Variants in KMT2A observed in about 807,000 individuals in gnomAD.
The protein encoded by KMT2A is lysine methyltransferase 2A.
Under a neutral mutation model 345.3 loss-of-function variants are expected in KMT2A, and 16 were observed. That is an observed-to-expected ratio of 0.05 (90% CI 0.03 to 0.07). The LOEUF (loss-of-function observed/expected upper bound fraction) is 0.07. Ranked by LOEUF, KMT2A falls within the 10% of genes least tolerant of loss-of-function variation. The pLI, the probability that KMT2A is intolerant of heterozygous loss-of-function variation, is 1.00. For synonymous variants in KMT2A, 1,599 were observed against 1,778.6 expected, an observed-to-expected ratio of 0.90 and a Z score of 2.54; for missense variants, 3,272 against 4,841.6, an observed-to-expected ratio of 0.68 and a Z score of 9.62.
chr11:118,509,116 T>TA lies in KMT2A; in HGVS notation c.10836-19dup. On this transcript the variant is annotated intron_variant, in intron 28 of 35. Coordinates refer to ENST00000534358, the MANE Select transcript of KMT2A (RefSeq NM_001197104.2). ...TGAAGAACTAGCTGATATTATATCTTACATTTGGTTTTTATTTAGGCAAGT... is the reference window on the plus strand; with the variant it reads ...TGAAGAACTAGCTGATATTATATCTTAACATTTGGTTTTTATTTAGGCAAGT... 6.2e-7 allele frequency: 1 copy of TA among 1,609,356 alleles called. No individual in the cohort carries two copies. Among genetic ancestry groups the TA allele is most frequent in the Non-Finnish European group, 8.5e-7 (1 of 1,175,960 alleles).
chr11:118,485,976 G>A (rs1193958541), intron 10 of KMT2A, among the ~76,000 whole-genome samples: 3 of 152,146 alleles, frequency 2.0e-5, no homozygotes, highest in African/African-American at 7.2e-5. Flanking sequence ...CCAGCTACTC[G>A]AGAGGCTGAG....
Position 118,488,691 on chromosome 11 carries a change from G to A in KMT2A, c.4410G>A (p.Gln1470=), listed in dbSNP as rs1950273070. 1.2e-6 allele frequency: 2 copies of A among 1,614,162 alleles called. No individual in the cohort carries two copies. Among genetic ancestry groups the A allele is most frequent in the Non-Finnish European group, 8.5e-7 (1 of 1,180,016 alleles). ...AGAACGAGCGCCCTCTGGAGGACCA[G>A]CTGGAAAATTGGTGTTGTCGTCGTT... ...LEENERPLED[Q]LENWCCRRCK... is the part of the protein sequence containing the mutation. Residue 1470 remains glutamine, a synonymous_variant, in exon 11 of 36, where the codon CAG becomes CAA. Transcript: ENST00000534358.
Position 118,520,651 on chromosome 11 carries a change from A to C in KMT2A, c.11430-151A>C, listed in dbSNP as rs1950942442. 1 of 467,964 alleles carries C rather than the reference A, an allele frequency of 2.1e-6. No homozygotes were observed. 29.0% of individuals were successfully genotyped at this position (467,964 alleles called of 1,614,324 possible). On this transcript the variant is annotated intron_variant, in intron 33 of 35. Coordinates refer to ENST00000534358, the MANE Select transcript of KMT2A (RefSeq NM_001197104.2). The surrounding 1 kb of genome is among the most constrained non-coding windows in gnomAD (Gnocchi z 4.3). ...GGGCGACAGAGCGAAACTCCATCTC[A>C]AAAAAAAAAGGGGGGCGCTCATTTT...
Position 118,521,012 on chromosome 11 carries a change from C to A in KMT2A, c.11513+127C>A. The A allele has an allele frequency of 2.7e-6, 2 of 730,386 alleles. No individual in the cohort carries two copies. Among genetic ancestry groups the A allele is most frequent in the Non-Finnish European group, 4.8e-6 (2 of 420,078 alleles). 45.2% of individuals were successfully genotyped at this position (730,386 alleles called of 1,614,324 possible). ...GATTTTACGGACACTATTTATTGAC[C>A]CTCATATCCTGGGATCCTGCACCTC... On this transcript the variant is annotated intron_variant, in intron 34 of 35. Coordinates refer to ENST00000534358, the MANE Select transcript of KMT2A (RefSeq NM_001197104.2). The surrounding 1 kb of genome is among the most constrained non-coding windows in gnomAD (Gnocchi z 5.3).
rs1487152460 is a variant in KMT2A, at chr11:118,495,165, T to A, written c.5363+398T>A. Among the ~76,000 whole-genome samples, 10 of 142,696 alleles carry A rather than the reference T, an allele frequency of 7.0e-5. No individual in the cohort carries two copies. Among genetic ancestry groups the A allele is most frequent in the African/African-American group, 2.4e-4 (9 of 37,086 alleles). The allele number at this position is 142,696 out of a possible 152,430, so 93.6% of individuals were successfully genotyped here. ...TGATTTGATTTTATTTATTTATTTATTTTTTTTTTTTTGAGACGGAGTCTC... is the reference window on the plus strand; with the variant it reads ...TGATTTGATTTTATTTATTTATTTAATTTTTTTTTTTTGAGACGGAGTCTC... On this transcript the variant is annotated intron_variant, in intron 18 of 35. Coordinates refer to ENST00000534358, the MANE Select transcript of KMT2A (RefSeq NM_001197104.2). This position sits in a 1 kb window ranked among gnomAD's most constrained non-coding sequence, Gnocchi z 4.1.
At chr11:118,444,447 C>T (rs1384365787) in intron 1 of KMT2A, among the ~76,000 whole-genome samples, 12 of 152,176 alleles carry the variant, frequency 7.9e-5, no homozygotes, top group African/African-American at 2.7e-4. Context: ...GGGAGAATCT[C>T]ATAATCTAAT....
In KMT2A at chr11:118,501,772, T is replaced by C. The variant is rs781922536; in HGVS notation, c.6420T>C (p.His2140=). 3.1e-6 allele frequency: 5 copies of C among 1,614,134 alleles called. No individual in the cohort carries two copies. The highest frequency in any genetic ancestry group is 4.5e-5 in the East Asian group (2 of 44,884). Reference sequence around the variant, plus strand: ...AAACCTCTGGCTCCTGTTATTATCATGTCATCTCAAAGGTCCCCAGGATTC... The same window carrying C: ...AAACCTCTGGCTCCTGTTATTATCACGTCATCTCAAAGGTCCCCAGGATTC... The part of the protein sequence containing the change: ...HSQTSGSCYY[H]VISKVPRIRT... Residue 2140 remains histidine, a synonymous_variant, in exon 26 of 36, where the codon CAT becomes CAC. Transcript: ENST00000534358.
intron 23 of KMT2A, 130 bp from the exon 24 acceptor site, chr11:118,499,705 C>G: frequency 1.4e-6 from 1 of 708,876 alleles, no homozygotes; most frequent in Non-Finnish European, 2.5e-6. Flanking sequence ...ACTTGAACCC[C>G]GGAGGCAGAG....
chr11:118,505,223 G>C lies in KMT2A; in HGVS notation c.9331G>C (p.Val3111Leu), dbSNP rs781929360. 3.1e-6 allele frequency: 5 copies of C among 1,613,948 alleles called. No individual in the cohort carries two copies. Among genetic ancestry groups the C allele is most frequent in the Non-Finnish European group, 4.2e-6 (5 of 1,180,004 alleles). The change falls in exon 27 of 36, where the codon GTT becomes CTT. Residue 3111 changes from valine to leucine, a missense_variant. Transcript: ENST00000534358. This position sits in a 1 kb window ranked among gnomAD's most constrained non-coding sequence, Gnocchi z 4.6. ...CCAAAAAATCCAATTGACCTCTTCT[G>C]TTAGTTCTACACCCAGTGTGATGGA... ...VTQKIQLTSS[V>L]SSTPSVMETN...
rs1307307939 is a variant in KMT2A, at chr11:118,526,533, CAG to C, written c.*4363_*4364del. ...TTTTTGACAACTTTATCATGTATAA[CAG>C]ATCTGTTTTTTTTCCTTGTGTTCTT... On this transcript the variant is annotated 3_prime_UTR_variant, in exon 36 of 36. Transcript: ENST00000534358. 2.2e-5 allele frequency: 5 copies of C among 228,134 alleles called. No homozygotes were observed. The highest frequency in any genetic ancestry group is 2.6e-5 in the Non-Finnish European group (3 of 115,998). 14.1% of individuals were successfully genotyped at this position (228,134 alleles called of 1,614,324 possible). A position where few individuals can be genotyped will look rare whatever the true frequency, so the allele number is the denominator to read the frequency against.
intron 30 of KMT2A, 51 bp from the exon 31 acceptor site, chr11:118,511,900 G>T (rs782413640): frequency 7.2e-7 from 1 of 1,391,682 alleles, no homozygotes; most frequent in East Asian, 2.3e-5. Flanking sequence ...GTATTAAGAA[G>T]GGTTTACGTG....
chr11:118,492,840 A>C (rs1025601896), intron 15 of KMT2A, among the ~76,000 whole-genome samples: 1 of 152,224 alleles, frequency 6.6e-6, no homozygotes, highest in African/African-American at 2.4e-5. Context: ...TAGGTTTGGA[A>C]TTATCAAGAA....
rs781818869 is a variant in KMT2A, at chr11:118,472,727, G to C, written c.1568G>C (p.Ser523Thr). The change falls in exon 3 of 36, where the codon AGT becomes ACT. Residue 523 changes from serine to threonine, a missense_variant. Physicochemically the swap from Ser to Thr is moderately conservative, Grantham distance 58 (BLOSUM62 1). Coordinates refer to ENST00000534358, the MANE Select transcript of KMT2A (RefSeq NM_001197104.2). ...LPISQSPENE[S>T]NDRRSRRYSV... ...ATTTCCCAGTCCCCAGAAAATGAGA[G>C]TAATGATAGGAGAAGCAGAAGGTAT... 1 of 1,613,692 alleles carries C rather than the reference G, an allele frequency of 6.2e-7. No homozygotes were observed. Among genetic ancestry groups the C allele is most frequent in the South Asian group, 1.1e-5 (1 of 91,038 alleles).
intron 10 of KMT2A, among the ~76,000 whole-genome samples, chr11:118,486,942 G>A (rs1375106598): frequency 6.6e-6 from 1 of 152,146 alleles, no homozygotes; most frequent in Non-Finnish European, 1.5e-5. Context: ...GTTGAAATCT[G>A]AATGTTGAGC....
intron 1 of KMT2A, among the ~76,000 whole-genome samples, chr11:118,455,162 A>G (rs1555030402): frequency 6.6e-6 from 1 of 152,162 alleles, no homozygotes; most frequent in African/African-American, 2.4e-5. Context: ...GGTAGCTAGG[A>G]TTACAGGCGA....
chr11:118,515,682 CTTTTT>C (rs11374365), intron 31 of KMT2A, among the ~76,000 whole-genome samples: 1 of 97,478 alleles, frequency 1.0e-5, no homozygotes, highest in Non-Finnish European at 1.9e-5. Context: ...TTTTTCTGTC[CTTTTT>C]TTTTTTTTTT....
chr11:118,482,601 A>T (rs1950153985), intron 8 of KMT2A, 106 bp downstream of exon 8: 3 of 826,866 alleles, frequency 3.6e-6, no homozygotes, highest in Non-Finnish European at 5.8e-6. Context: ...ATTTCTTAAA[A>T]TTAAGAAACT....
intron 1 of KMT2A, among the ~76,000 whole-genome samples, chr11:118,455,506 T>C (rs1430317115): frequency 2.0e-5 from 3 of 152,008 alleles, no homozygotes; most frequent in Non-Finnish European, 4.4e-5. Flanking sequence ...ATTCATTGCA[T>C]TTGCTTTGAC....
chr11:118,505,192 A>G lies in KMT2A; in HGVS notation c.9300A>G (p.Gly3100=). Reference sequence around the variant, plus strand: ...ATGTTCTCCAAACTCTTCCAAATGGAGTGACCCAAAAAATCCAATTGACCT... The same window carrying G: ...ATGTTCTCCAAACTCTTCCAAATGGGGTGACCCAAAAAATCCAATTGACCT... ...PLYVLQTLPN[G]VTQKIQLTSS... Residue 3100 remains glycine (G), a synonymous_variant, in exon 27 of 36, where the codon GGA becomes GGG. Transcript: ENST00000534358. This position sits in a 1 kb window ranked among gnomAD's most constrained non-coding sequence, Gnocchi z 4.6. The G allele has an allele frequency of 6.2e-7, 1 of 1,614,146 alleles. No homozygotes were observed. The highest frequency in any genetic ancestry group is 8.5e-7 in the Non-Finnish European group (1 of 1,180,022).
Sources: gnomAD v4.1 joint callset for allele counts (sites outside exome capture counted in the v4.1 genomes callset) on GRCh38, gnomAD v4.1.1 for gene constraint, Gnocchi (gnomAD v3.1) non-coding constraint, MANE v1.5 for transcripts, NCBI Gene and HGNC (gene_info 2026-07-23, HGNC 2026-07-21) for gene names.